The following RBFOX1 variants were observed in gnomAD, a reference collection of about 807,000 sequenced individuals.
RBFOX1 encodes RNA binding fox-1 homolog 1, also known as RNA binding protein fox-1 homolog 1.
RBFOX1 carries 8 observed loss-of-function variants against 57.7 expected under a neutral mutation model. The ratio of observed to expected loss-of-function variants is 0.14; its 90% CI spans 0.08 to 0.25. The LOEUF (loss-of-function observed/expected upper bound fraction) is 0.25, where lower values mean the gene tolerates loss of function less well. Ranked by LOEUF, RBFOX1 falls within the 10% of genes least tolerant of loss-of-function variation. The pLI is 1.00. For missense variants in RBFOX1, 611 were observed against 548.5 expected, an observed-to-expected ratio of 1.11 and a Z score of -1.14; for synonymous variants, 326 against 222.4, an observed-to-expected ratio of 1.47 and a Z score of -4.15.
chr16:7,706,474 G>A lies in RBFOX1; in HGVS notation c.996-2582G>A, dbSNP rs565030874. On this transcript the variant is annotated intron_variant, in intron 14 of 15. Transcript: ENST00000550418. ...GAATTTACCACTGAAGTATGCAGTAGGAAAAGGTGGGAGCTACGCTTTTAT... is the reference window on the plus strand; with the variant it reads ...GAATTTACCACTGAAGTATGCAGTAAGAAAAGGTGGGAGCTACGCTTTTAT... 3.3e-4 allele frequency among the ~76,000 whole-genome samples: 51 copies of A among 152,342 alleles called. 1 individual carries two copies. Among genetic ancestry groups the A allele is most frequent in the East Asian group, 1.2e-3 (6 of 5,176 alleles).
At chr16:5,939,131 T>C (rs1453928216) in intron 4 of RBFOX1, among the ~76,000 whole-genome samples, 3 of 152,168 alleles carry the variant, frequency 2.0e-5, no homozygotes, top group African/African-American at 4.8e-5. Flanking sequence ...TTAGGAGATA[T>C]ACCTCATGTA....
At chr16:7,671,650 C>A (rs746314892) in intron 13 of RBFOX1, 1 of 1,489,614 alleles carries the variant, frequency 6.7e-7, no homozygotes, top group Non-Finnish European at 9.4e-7. Context: ...TGTGGGTTTG[C>A]TGTGAAATCC....
At chr16:5,903,359 A>G (rs890109252) in intron 4 of RBFOX1, among the ~76,000 whole-genome samples, 2 of 152,142 alleles carry the variant, frequency 1.3e-5, no homozygotes, top group African/African-American at 4.8e-5. Context: ...ATGCGTGACT[A>G]TGCCTATTCT....
chr16:5,967,608 C>G (rs1025261530), intron 4 of RBFOX1, among the ~76,000 whole-genome samples: 1 of 152,190 alleles, frequency 6.6e-6, no homozygotes, highest in East Asian at 1.9e-4. Context: ...ACCATGGGCT[C>G]ATACTGATAC....
At chr16:5,754,438 G>T (rs1302952257) in intron 3 of RBFOX1, among the ~76,000 whole-genome samples, 1 of 151,494 alleles carries the variant, frequency 6.6e-6, no homozygotes, top group Non-Finnish European at 1.5e-5. Context: ...CGTAAGGTGG[G>T]ACGAGAGATT....
chr16:6,814,266 G>A (rs978544921), intron 3 of RBFOX1, among the ~76,000 whole-genome samples: 10 of 151,512 alleles, frequency 6.6e-5, no homozygotes, highest in African/African-American at 1.5e-4. Flanking sequence ...GGAGGGAGGA[G>A]GTCTAAGAGA....
chr16:6,718,550 C>G (rs1198655316), intron 3 of RBFOX1, among the ~76,000 whole-genome samples: 1 of 152,110 alleles, frequency 6.6e-6, no homozygotes, highest in Admixed American at 6.5e-5. Context: ...TCGTGGAGAC[C>G]TGACATGGTT....
intron 3 of RBFOX1, among the ~76,000 whole-genome samples, chr16:6,978,232 A>G (rs1481959858): frequency 2.0e-5 from 3 of 152,176 alleles, no homozygotes; most frequent in African/African-American, 4.8e-5. Context: ...CTTGAAAAAC[A>G]AGTTTCTAGC....
chr16:6,743,698 A>G lies in RBFOX1; in HGVS notation c.-16+89048A>G, dbSNP rs140861776. On this transcript the variant is annotated intron_variant, in intron 3 of 15. Transcript: ENST00000550418. ...GCTGAGGCTGCACTGGGCTGTCATC[A>G]CACCACTGTATTCCAGCCTGCACTC... Among the ~76,000 whole-genome samples, 739 of 151,932 alleles carry G rather than the reference A, an allele frequency of 4.9e-3. 5 individuals carry two copies. The highest frequency in any genetic ancestry group is 0.017 in the African/African-American group (702 of 41,406).
intron 3 of RBFOX1, among the ~76,000 whole-genome samples, chr16:6,990,955 G>C (rs2091323454): frequency 6.6e-6 from 1 of 151,932 alleles, no homozygotes; most frequent in African/African-American, 2.4e-5. Flanking sequence ...ATTGTTCATT[G>C]ATTGCATATT....
intron 4 of RBFOX1, among the ~76,000 whole-genome samples, chr16:7,176,410 G>A (rs2081654189): frequency 1.3e-5 from 2 of 151,952 alleles, no homozygotes; most frequent in African/African-American, 4.8e-5. Flanking sequence ...ACACAGTTAA[G>A]ATATTCATTT....
chr16:5,911,977 G>A (rs2058612329), intron 4 of RBFOX1, among the ~76,000 whole-genome samples: 1 of 152,130 alleles, frequency 6.6e-6, no homozygotes, highest in African/African-American at 2.4e-5. Context: ...ACCTTCACGG[G>A]GAGAAATTTG....
At chr16:5,518,332 C>T (rs1376996810) in intron 2 of RBFOX1, among the ~76,000 whole-genome samples, 1 of 148,164 alleles carries the variant, frequency 6.7e-6, no homozygotes, top group East Asian at 1.9e-4. Context: ...ATTGTTCCAC[C>T]ATTTTCAATC....
At chr16:6,872,600 C>G (rs1567656896) in intron 3 of RBFOX1, among the ~76,000 whole-genome samples, 1 of 151,996 alleles carries the variant, frequency 6.6e-6, no homozygotes, top group Admixed American at 6.6e-5. Context: ...AACAAAACAC[C>G]CAATTAATGT....
At chr16:6,888,263 T>A (rs2064593735) in intron 3 of RBFOX1, among the ~76,000 whole-genome samples, 1 of 152,198 alleles carries the variant, frequency 6.6e-6, no homozygotes, top group Non-Finnish European at 1.5e-5. Context: ...ACCACAATGC[T>A]TTATGGGTTT....
intron 4 of RBFOX1, among the ~76,000 whole-genome samples, chr16:5,880,882 C>G (rs1488374543): frequency 6.6e-6 from 1 of 152,136 alleles, no homozygotes; most frequent in East Asian, 1.9e-4. Flanking sequence ...TCTTTGTTAA[C>G]ACATTGAACA....
intron 3 of RBFOX1, among the ~76,000 whole-genome samples, chr16:6,806,342 C>T (rs1603627180): frequency 6.6e-6 from 1 of 152,030 alleles, no homozygotes; most frequent in Admixed American, 6.6e-5. Context: ...ATCCAAAAAA[C>T]TATAGAGTTT....
intron 3 of RBFOX1, among the ~76,000 whole-genome samples, chr16:5,713,824 C>T (rs576601948): frequency 1.3e-5 from 2 of 152,146 alleles, no homozygotes; most frequent in African/African-American, 4.8e-5. Flanking sequence ...AGGGCTTGAC[C>T]ATGTAGACAG....
At chr16:7,188,418 G>C (rs1157276293) in intron 4 of RBFOX1, among the ~76,000 whole-genome samples, 3 of 152,206 alleles carry the variant, frequency 2.0e-5, no homozygotes, top group Admixed American at 1.3e-4. Context: ...ATTGCAGTTA[G>C]TTTCAAAATG....
Sources: gnomAD v4.1 joint callset for allele counts (sites outside exome capture counted in the v4.1 genomes callset) on GRCh38, gnomAD v4.1.1 for gene constraint, MANE v1.5 for transcripts, NCBI Gene and HGNC (gene_info 2026-07-23, HGNC 2026-07-21) for gene names.